Variants in NPFFR2 observed in about 807,000 individuals in gnomAD.
NPFFR2 encodes G-protein coupled receptor 74.
Under a neutral mutation model 13.1 loss-of-function variants are expected in NPFFR2, and 15 were observed. That is an observed-to-expected ratio of 1.15 (90% CI 0.77 to 1.76). The LOEUF (loss-of-function observed/expected upper bound fraction) is 1.76, where lower values mean the gene tolerates loss of function less well. Among genes scored for constraint, NPFFR2 ranks in the 40% most tolerant of loss-of-function variants. NPFFR2 has a pLI of 0.00. For missense variants in NPFFR2, 572 were observed against 503.5 expected (o/e 1.14, Z -1.30); for synonymous variants, 190 against 175.7 (o/e 1.08, Z -0.65).
chr4:72,051,296 C>T (rs1578423100), intron 1 of NPFFR2, among the ~76,000 whole-genome samples: 1 of 152,078 alleles, frequency 6.6e-6, no homozygotes. Context: ...CAAACTATCT[C>T]TCAGACCACA....
intron 1 of NPFFR2, among the ~76,000 whole-genome samples, chr4:72,116,105 T>A (rs765047062): frequency 2.6e-5 from 4 of 152,184 alleles, no homozygotes; most frequent in Non-Finnish European, 5.9e-5. Context: ...TGCATATGTT[T>A]ATTGTTTTGA....
intron 1 of NPFFR2, among the ~76,000 whole-genome samples, chr4:72,110,228 T>G (rs1180154820): frequency 6.6e-6 from 1 of 152,000 alleles, no homozygotes; most frequent in Non-Finnish European, 1.5e-5. Flanking sequence ...TTTTCCCTTT[T>G]TGCTCAGCAC....
At position 72,068,841 on chromosome 4, in the gene NPFFR2, T is replaced by A. The variant is rs1300787905; in HGVS notation, c.-8+36641T>A. 392 of 290,886 alleles carry A rather than the reference T, an allele frequency of 1.3e-3. 3 individuals are homozygous for A. Among genetic ancestry groups the A allele is most frequent in the African/African-American group, 0.013 (365 of 29,150 alleles). The allele number at this position is 290,886 out of a possible 1,614,324, so 18.0% of individuals were successfully genotyped here. A position where few individuals can be genotyped will look rare whatever the true frequency, so the allele number is the denominator to read the frequency against. On this transcript the variant is annotated intron_variant, in intron 1 of 3. Coordinates refer to ENST00000308744, the MANE Select transcript of NPFFR2 (RefSeq NM_004885.3). ...ATATGAATGCCTGAGGTTCTTAGTT[T>A]TTTTTTTTTTTTATCTTATCTTTTT...
intron 1 of NPFFR2, among the ~76,000 whole-genome samples, chr4:72,078,959 GA>G (rs1720521156): frequency 6.6e-6 from 1 of 151,974 alleles, no homozygotes; most frequent in African/African-American, 2.4e-5. Context: ...TGTTGCTATA[GA>G]AGGGTAGCAC....
Position 72,050,337 on chromosome 4 carries a change from C to G in NPFFR2, c.-8+18137C>G, listed in dbSNP as rs1719506915. Among the ~76,000 whole-genome samples, 4 of 152,130 alleles carry G rather than the reference C, an allele frequency of 2.6e-5. No homozygotes were observed. In the South Asian group the frequency reaches 8.3e-4, roughly 32 times the overall value. Reference sequence around the variant, plus strand: ...CCCCTAACCAACTGAATGGAACCCTCTTCTTTGCCAAGGGCATTCAAAAGT... The same window carrying G: ...CCCCTAACCAACTGAATGGAACCCTGTTCTTTGCCAAGGGCATTCAAAAGT... On this transcript the variant is annotated intron_variant, in intron 1 of 3. Transcript: ENST00000308744.
chr4:72,110,296 G>C (rs1407525669), intron 1 of NPFFR2, among the ~76,000 whole-genome samples: 2 of 151,984 alleles, frequency 1.3e-5, no homozygotes, highest in African/African-American at 2.4e-5. Flanking sequence ...TGCGATGATT[G>C]TAAGTTTCCT....
At chr4:72,066,377 A>G (rs750046146) in intron 1 of NPFFR2, among the ~76,000 whole-genome samples, 1 of 152,160 alleles carries the variant, frequency 6.6e-6, no homozygotes, top group Non-Finnish European at 1.5e-5. Flanking sequence ...TTGAAGCAAT[A>G]CATCCAAATT....
intron 2 of NPFFR2, among the ~76,000 whole-genome samples, chr4:72,134,228 C>T (rs1722340049): frequency 6.6e-6 from 1 of 152,162 alleles, no homozygotes. Flanking sequence ...CGTGCCACTG[C>T]ACTCCAGCCT....
intron 1 of NPFFR2, among the ~76,000 whole-genome samples, chr4:72,116,395 A>G (rs1369229149): frequency 1.3e-5 from 2 of 151,772 alleles, no homozygotes; most frequent in Non-Finnish European, 2.9e-5. Flanking sequence ...GATGGGGACA[A>G]TGGACACTGG....
At chr4:72,108,451 C>A (rs1259660938) in intron 1 of NPFFR2, among the ~76,000 whole-genome samples, 2 of 152,086 alleles carry the variant, frequency 1.3e-5, no homozygotes, top group African/African-American at 4.8e-5. Flanking sequence ...GCTTTAACAG[C>A]ATCTACCAAT....
At chr4:72,101,434 G>T (rs1401609494) in intron 1 of NPFFR2, among the ~76,000 whole-genome samples, 1 of 151,330 alleles carries the variant, frequency 6.6e-6, no homozygotes, top group Non-Finnish European at 1.5e-5. Context: ...CAAATTAGAA[G>T]AATTGGACAT....
intron 1 of NPFFR2, among the ~76,000 whole-genome samples, chr4:72,049,772 C>A (rs1016139501): frequency 1.3e-5 from 2 of 151,146 alleles, no homozygotes; most frequent in Non-Finnish European, 2.9e-5. Flanking sequence ...CTGGCCAGAC[C>A]TCCTGAAACT....
chr4:72,082,241 G>A (rs1342534779), intron 1 of NPFFR2, among the ~76,000 whole-genome samples: 1 of 152,120 alleles, frequency 6.6e-6, no homozygotes, highest in Non-Finnish European at 1.5e-5. Flanking sequence ...GACTAATTTA[G>A]AAAGAACCAC....
chr4:72,146,066 A>G (rs1240741898), intron 3 of NPFFR2, among the ~76,000 whole-genome samples: 1 of 152,118 alleles, frequency 6.6e-6, no homozygotes, highest in Non-Finnish European at 1.5e-5. Context: ...CATAATGAAT[A>G]CTCTCAGATT....
intron 1 of NPFFR2, among the ~76,000 whole-genome samples, chr4:72,087,829 AT>A (rs570644224): frequency 9.9e-4 from 150 of 152,004 alleles, no homozygotes; most frequent in African/African-American, 3.5e-3. Context: ...TGAAGAAAAC[AT>A]TTTTTTCATG....
At chr4:72,137,989 T>G in intron 2 of NPFFR2, 51 bp from the exon 3 acceptor site, 676 of 1,348,934 alleles carry the variant, frequency 5.0e-4, no homozygotes, top group Non-Finnish European at 6.5e-4. Context: ...TCATTTTCAG[T>G]GAGATTTTGA....
chr4:72,037,968 T>C (rs1297146700), intron 1 of NPFFR2, among the ~76,000 whole-genome samples: 1 of 152,210 alleles, frequency 6.6e-6, no homozygotes, highest in Non-Finnish European at 1.5e-5. Flanking sequence ...TTCTAATTCA[T>C]GTTTACCTAC....
chr4:72,044,241 T>G (rs11931266), intron 1 of NPFFR2, among the ~76,000 whole-genome samples: 135,378 of 152,156 alleles, frequency 0.89, 61,373 homozygotes, highest in Non-Finnish European at 0.98. Context: ...CAGTCTTGAG[T>G]ATGTCCTTAT....
At chr4:72,078,738 A>C (rs993219876) in intron 1 of NPFFR2, among the ~76,000 whole-genome samples, 1 of 152,170 alleles carries the variant, frequency 6.6e-6, no homozygotes, top group Admixed American at 6.6e-5. Flanking sequence ...AGAGAATAGA[A>C]AAAGCAGAAC....
Sources: gnomAD v4.1 joint callset for allele counts (sites outside exome capture counted in the v4.1 genomes callset) on GRCh38, gnomAD v4.1.1 for gene constraint, MANE v1.5 for transcripts, NCBI Gene and HGNC (gene_info 2026-07-23, HGNC 2026-07-21) for gene names.